Variants in PAFAH1B1 observed in about 807,000 individuals in gnomAD.
PAFAH1B1 encodes platelet activating factor acetylhydrolase 1b regulatory subunit 1.
In PAFAH1B1, 2 loss-of-function variants were observed where a neutral mutation model predicts 57.5. That is an observed-to-expected ratio of 0.03 (90% CI 0.01 to 0.11). The LOEUF is 0.11. Ranked by LOEUF, PAFAH1B1 falls within the 10% of genes least tolerant of loss-of-function variation. PAFAH1B1 has a pLI of 1.00. For missense variants in PAFAH1B1, 257 were observed against 512.0 expected (o/e 0.50, Z 4.81); for synonymous variants, 152 against 169.6 (o/e 0.90, Z 0.81).
At chr17:2,593,590 G>GGGGGGC (rs2068046148), upstream of PAFAH1B1, among the ~76,000 whole-genome samples, 6 of 148,772 alleles carry the variant, frequency 4.0e-5, no homozygotes, top group South Asian at 1.3e-3. Context: ...GGCGGGTCTG[G>GGGGGGC]GGCGGCGGCG....
Position 2,683,821 on chromosome 17 carries a change from GT to G in PAFAH1B1, c.*2020del, listed in dbSNP as rs1193410102. ...TTGTTCTTGTTTGCTGCTATTTTCT[GT>G]CCTATTTTGAGAAATATAAATACAT... On this transcript the variant is annotated 3_prime_UTR_variant, in exon 11 of 11. Transcript: ENST00000397195. The G allele has an allele frequency of 2.6e-5, 4 of 152,470 alleles. No homozygotes were observed. Among genetic ancestry groups the G allele is most frequent in the Non-Finnish European group, 5.9e-5 (4 of 68,018 alleles). The allele number at this position is 152,470 out of a possible 1,614,324, so 9.4% of individuals were successfully genotyped here. A position where few individuals can be genotyped will look rare whatever the true frequency, so the allele number is the denominator to read the frequency against.
intron 7 of PAFAH1B1, chr17:2,673,532 G>A (rs1045718804): frequency 5.7e-5 from 9 of 157,524 alleles, no homozygotes; most frequent in Admixed American, 3.7e-4. Context: ...CCAGCTACTC[G>A]GGAGGCTGAG....
At chr17:2,656,921 T>G (rs977649827) in intron 2 of PAFAH1B1, among the ~76,000 whole-genome samples, 2 of 152,184 alleles carry the variant, frequency 1.3e-5, no homozygotes, top group Non-Finnish European at 2.9e-5. Context: ...GCCACCTGAT[T>G]TAGAGCAGTT....
At chr17:2,632,777 T>A (rs184999903) in intron 1 of PAFAH1B1, among the ~76,000 whole-genome samples, 2 of 152,330 alleles carry the variant, frequency 1.3e-5, no homozygotes, top group African/African-American at 4.8e-5. Context: ...GGGGAAGATA[T>A]GCATAGGTTA....
intron 1 of PAFAH1B1, among the ~76,000 whole-genome samples, chr17:2,628,372 T>G (rs1003181311): frequency 6.6e-6 from 1 of 152,192 alleles, no homozygotes; most frequent in African/African-American, 2.4e-5. Context: ...TTGTATCACA[T>G]TTATTGACCT....
intron 1 of PAFAH1B1, among the ~76,000 whole-genome samples, chr17:2,615,323 CAGAT>C (rs1227989729): frequency 2.6e-5 from 4 of 152,122 alleles, no homozygotes; most frequent in Non-Finnish European, 4.4e-5. Context: ...CAACTGATAT[CAGAT>C]AGAAAGTACA....
chr17:2,659,588 T>TGGGAG (rs2068988812), intron 2 of PAFAH1B1: 1 of 160,058 alleles, frequency 6.2e-6, no homozygotes. Flanking sequence ...ATCCCAGCAC[T>TGGGAG]GGGAGGCCAA....
intron 5 of PAFAH1B1, among the ~76,000 whole-genome samples, chr17:2,668,908 G>A (rs1455825251): frequency 4.0e-5 from 6 of 151,302 alleles, no homozygotes; most frequent in African/African-American, 7.3e-5. Flanking sequence ...CCCGGGAGGC[G>A]GAGCTTGCAG....
In PAFAH1B1 at chr17:2,679,630, TTGGA is replaced by T. The variant is rs79421335; in HGVS notation, c.1003-496_1003-493del. 7.2e-3 allele frequency: 442 copies of T among 61,774 alleles called. 10 individuals carry two copies. The highest frequency in any genetic ancestry group is 0.011 in the Non-Finnish European group (292 of 26,592). The allele number at this position is 61,774 out of a possible 1,614,324, so 3.8% of individuals were successfully genotyped here. ...GGTGGATGGATGGATGATTGGATGATTGGATGGATGGATGGATGGATGGATGGAT... is the reference window on the plus strand; with the variant it reads ...GGTGGATGGATGGATGATTGGATGATTGGATGGATGGATGGATGGATGGAT... On this transcript the variant is annotated intron_variant, in intron 9 of 10. Transcript: ENST00000397195.
chr17:2,600,929 G>A (rs773946930), intron 1 of PAFAH1B1, among the ~76,000 whole-genome samples: 22 of 151,732 alleles, frequency 1.4e-4, no homozygotes, highest in Non-Finnish European at 5.9e-5. Context: ...ATGGGGTTTC[G>A]CCATATTGGC....
At position 2,683,483 on chromosome 17, in the gene PAFAH1B1, GAGTT is replaced by G. The variant is rs1380796358; in HGVS notation, c.*1684_*1687del. The G allele has an allele frequency of 1.3e-5, 2 of 152,188 alleles. No homozygotes were observed. Among genetic ancestry groups the G allele is most frequent in the Non-Finnish European group, 2.9e-5 (2 of 68,042 alleles). The allele number at this position is 152,188 out of a possible 1,614,324, so 9.4% of individuals were successfully genotyped here. A position where few individuals can be genotyped will look rare whatever the true frequency, so the allele number is the denominator to read the frequency against. On this transcript the variant is annotated 3_prime_UTR_variant, in exon 11 of 11. Coordinates refer to ENST00000397195, the MANE Select transcript of PAFAH1B1 (RefSeq NM_000430.4). ...GGTTCCTGCAAAAGACAAAGGGTGA[GAGTT>G]AGCGTCCTGTAGATACACACAGAGA...
intron 2 of PAFAH1B1, among the ~76,000 whole-genome samples, chr17:2,652,369 C>T (rs543220961): frequency 2.1e-4 from 32 of 152,282 alleles, no homozygotes; most frequent in African/African-American, 5.3e-4. Flanking sequence ...GAGCCAAGAT[C>T]GCGCCACTGC....
chr17:2,620,942 T>G (rs1227035482), intron 1 of PAFAH1B1, among the ~76,000 whole-genome samples: 1 of 151,990 alleles, frequency 6.6e-6, no homozygotes, highest in Non-Finnish European at 1.5e-5. Context: ...TCTTTAATTC[T>G]TTACCAGCTT....
upstream of PAFAH1B1, among the ~76,000 whole-genome samples, chr17:2,593,509 C>G (rs1330414612): frequency 3.3e-5 from 5 of 151,416 alleles, no homozygotes; most frequent in Admixed American, 3.3e-4. Flanking sequence ...AGCGCGGCCC[C>G]GGCCCGGCCC....
chr17:2,640,076 A>G (rs1379924082), intron 2 of PAFAH1B1: 3 of 152,218 alleles, frequency 2.0e-5, no homozygotes, highest in Non-Finnish European at 2.9e-5. Flanking sequence ...CTGTGTGTGC[A>G]GTATGCAATA....
intron 8 of PAFAH1B1, among the ~76,000 whole-genome samples, chr17:2,675,047 G>T (rs995197805): frequency 6.6e-6 from 1 of 152,154 alleles, no homozygotes; most frequent in Non-Finnish European, 1.5e-5. Context: ...TGTTGCCCAG[G>T]CTGGAGTACA....
chr17:2,672,498 G>A (rs2069198350), intron 6 of PAFAH1B1, among the ~76,000 whole-genome samples, 157 bp from the exon 7 acceptor site: 1 of 151,694 alleles, frequency 6.6e-6, no homozygotes, highest in South Asian at 2.1e-4. Flanking sequence ...ACTTTATCGT[G>A]TAAATCCAGG....
intron 1 of PAFAH1B1, among the ~76,000 whole-genome samples, chr17:2,613,042 TAAAAAAA>T (rs34932981): frequency 7.6e-6 from 1 of 132,364 alleles, no homozygotes; most frequent in African/African-American, 2.7e-5. Context: ...TAATAATTTG[TAAAAAAA>T]AAAAAAAAAA....
intron 2 of PAFAH1B1, among the ~76,000 whole-genome samples, chr17:2,664,665 G>GCT (rs1555526143): frequency 1.4e-4 from 12 of 86,090 alleles, no homozygotes; most frequent in African/African-American, 4.7e-4. Flanking sequence ...TCTATCTATC[G>GCT]CTCTCTCTCT....
Sources: gnomAD v4.1 joint callset for allele counts (sites outside exome capture counted in the v4.1 genomes callset) on GRCh38, gnomAD v4.1.1 for gene constraint, MANE v1.5 for transcripts, NCBI Gene and HGNC (gene_info 2026-07-23, HGNC 2026-07-21) for gene names.